The following TERF2 variants were observed in gnomAD, a reference collection of about 807,000 sequenced individuals.
The protein encoded by TERF2 is telomeric repeat-binding factor 2.
A neutral mutation model predicts 56.1 loss-of-function variants in TERF2; 16 were observed. That is an observed-to-expected ratio of 0.29 (90% CI 0.19 to 0.43). The LOEUF is 0.43. Ranked by LOEUF, TERF2 falls within the 20% of genes least tolerant of loss-of-function variation. TERF2 has a pLI of 1.00. For missense variants in TERF2, 547 were observed against 712.9 expected, an observed-to-expected ratio of 0.77 and a Z score of 2.65; for synonymous variants, 296 against 282.1, an observed-to-expected ratio of 1.05 and a Z score of -0.50.
intron 4 of TERF2, 31 bp from the exon 5 acceptor site, chr16:69,370,660 G>C: frequency 6.4e-7 from 1 of 1,574,782 alleles, no homozygotes; most frequent in Non-Finnish European, 8.6e-7. Flanking sequence ...TGCAACATGA[G>C]AAAGTAGAAC....
intron 3 of TERF2, 134 bp from the exon 4 acceptor site, chr16:69,372,489 G>A (rs1413726565): frequency 8.6e-6 from 5 of 581,394 alleles, no homozygotes; most frequent in South Asian, 2.1e-5. Flanking sequence ...AAAGCCAGGC[G>A]CGGTGGCTCA....
intron 3 of TERF2, among the ~76,000 whole-genome samples, chr16:69,382,070 A>G (rs1011820976): frequency 2.6e-5 from 4 of 152,206 alleles, no homozygotes; most frequent in African/African-American, 9.7e-5. Context: ...TTGTACCATC[A>G]ATGCAAATGC....
At chr16:69,364,693 C>T (rs564076344) in intron 7 of TERF2, among the ~76,000 whole-genome samples, 1 of 152,276 alleles carries the variant, frequency 6.6e-6, no homozygotes, top group African/African-American at 2.4e-5. Flanking sequence ...ACACACTCGA[C>T]GACCTTCTGC....
chr16:69,357,732 A>C (rs1597237566), intron 8 of TERF2, 171 bp from the exon 9 acceptor site: 1 of 251,626 alleles, frequency 4.0e-6, no homozygotes, highest in Non-Finnish European at 6.3e-6. Flanking sequence ...ATTTGCAAAC[A>C]CCAGTCACTT....
chr16:69,368,404 C>T lies in TERF2; in HGVS notation c.919G>A (p.Val307Met). Reference sequence around the variant, plus strand: ...GCGGGTTCTCTGGGTGGCTTTTCCACAGGCCCTGGTGCTGGCTGTTTATCT... The same window carrying T: ...GCGGGTTCTCTGGGTGGCTTTTCCATAGGCCCTGGTGCTGGCTGTTTATCT... The part of the protein sequence containing the change: ...KEDKQPAPGP[V>M]EKPPREPARQ... Residue 307 changes from valine to methionine, a missense_variant, in exon 6 of 10, where the codon GTG becomes ATG. Physicochemically the swap from Val to Met is conservative, Grantham distance 21 (BLOSUM62 1). Coordinates refer to ENST00000254942, the MANE Select transcript of TERF2 (RefSeq NM_005652.5). 6.2e-7 allele frequency: 1 copy of T among 1,614,118 alleles called. No homozygotes were observed. The highest frequency in any genetic ancestry group is 8.5e-7 in the Non-Finnish European group (1 of 1,180,034).
chr16:69,366,740 A>C (rs1478702879), intron 7 of TERF2, 67 bp downstream of exon 7: 1 of 1,523,958 alleles, frequency 6.6e-7, no homozygotes, highest in Non-Finnish European at 8.8e-7. Context: ...TCATTCACGG[A>C]AGTAATACCA....
At chr16:69,357,400 A>T in intron 9 of TERF2, 118 bp downstream of exon 9, 1 of 809,346 alleles carries the variant, frequency 1.2e-6, no homozygotes, top group Non-Finnish European at 2.0e-6. Context: ...ATTATCTGAA[A>T]ATCTCAAAAA....
rs1277309168 is a variant in TERF2 at position 69,385,745 on chromosome 16, C to A, written c.227G>T (p.Gly76Val). ...GCCGCGCTCCGCCGGGCCCCCCAGC[C>A]CCGGCTCGTGGCGCCCCCGCCGGGC... ...GRARRGRHEP[G>V]LGGPAERGAG... The change falls in exon 1 of 10, where the codon GGG (glycine) becomes GTG (valine). Residue 76 changes from glycine to valine, a missense_variant. Physicochemically the swap from Gly to Val is moderately radical, Grantham distance 109 (BLOSUM62 -3). Transcript: ENST00000254942. The A allele has an allele frequency of 6.9e-7, 1 of 1,450,414 alleles. No individual in the cohort carries two copies. Among genetic ancestry groups the A allele is most frequent in the Non-Finnish European group, 9.1e-7 (1 of 1,104,490 alleles). 89.8% of individuals were successfully genotyped at this position (1,450,414 alleles called of 1,614,324 possible).
intron 8 of TERF2, among the ~76,000 whole-genome samples, chr16:69,357,846 C>CT (rs71383989): frequency 0.044 from 5,407 of 121,920 alleles, 177 homozygotes; most frequent in Non-Finnish European, 0.061. Context: ...ACATCGTTTT[C>CT]TTTTTTTTTT....
chr16:69,365,150 A>G (rs1371281092), intron 7 of TERF2: 1 of 152,038 alleles, frequency 6.6e-6, no homozygotes, highest in African/African-American at 2.4e-5. Context: ...GTAATCTCGC[A>G]CTCTCCTGTT....
chr16:69,373,826 C>T (rs748075087), intron 3 of TERF2, among the ~76,000 whole-genome samples: 3 of 152,136 alleles, frequency 2.0e-5, no homozygotes, highest in Non-Finnish European at 2.9e-5. Context: ...GAGCGATACC[C>T]CGTCTCAAAA....
At chr16:69,368,713 G>A in intron 5 of TERF2, 1 of 1,030,008 alleles carries the variant, frequency 9.7e-7, no homozygotes, top group Non-Finnish European at 1.4e-6. Flanking sequence ...GTCTTGCTCT[G>A]TCGCCCAGGC....
At chr16:69,369,637 C>T (rs970733218) in intron 5 of TERF2, among the ~76,000 whole-genome samples, 5 of 152,308 alleles carry the variant, frequency 3.3e-5, no homozygotes, top group African/African-American at 1.2e-4. Flanking sequence ...ACCACTCTCA[C>T]TCAGTGTTCC....
At chr16:69,370,361 G>C (rs906748256) in intron 5 of TERF2, 122 bp downstream of exon 5, 7 of 1,334,568 alleles carry the variant, frequency 5.2e-6, no homozygotes, top group Non-Finnish European at 7.1e-6. Flanking sequence ...ATTTAATTAA[G>C]AAAGCTAGTG....
intron 3 of TERF2, among the ~76,000 whole-genome samples, chr16:69,381,096 C>T (rs547409297): frequency 1.3e-5 from 2 of 152,200 alleles, no homozygotes; most frequent in East Asian, 1.9e-4. Context: ...TGAGCCACCG[C>T]GCCCAGCCTA....
chr16:69,385,298 C>T lies in TERF2; in HGVS notation c.475+93G>A, dbSNP rs2014152060. The T allele has an allele frequency of 7.3e-6, 8 of 1,090,022 alleles. No individual in the cohort carries two copies. In the South Asian group the frequency reaches 9.1e-5, roughly 12 times the overall value. The allele number at this position is 1,090,022 out of a possible 1,614,324, so 67.5% of individuals were successfully genotyped here. A position where few individuals can be genotyped will look rare whatever the true frequency, so the allele number is the denominator to read the frequency against. On this transcript the variant is annotated intron_variant, in intron 2 of 9. Transcript: ENST00000254942. ...AAGACCACTCTGATGGAAACTATCG[C>T]ACTTTAACCTGGAATCCTTCAGTTC...
chr16:69,378,918 C>T (rs1398637615), intron 3 of TERF2, among the ~76,000 whole-genome samples: 3 of 148,684 alleles, frequency 2.0e-5, no homozygotes, highest in Non-Finnish European at 4.4e-5. Flanking sequence ...GTGCTATGAG[C>T]TTATCTTTTA....
intron 7 of TERF2, 21 bp from the exon 8 acceptor site, chr16:69,361,510 G>C (rs1597241480): frequency 6.4e-7 from 1 of 1,556,416 alleles, no homozygotes. Context: ...ATCAAGGAGA[G>C]CACAGGTATA....
intron 4 of TERF2, among the ~76,000 whole-genome samples, chr16:69,371,186 T>C (rs1004008792): frequency 6.6e-6 from 1 of 152,132 alleles, no homozygotes; most frequent in Non-Finnish European, 1.5e-5. Flanking sequence ...TGTATTACCT[T>C]TTCAAATAAT....
Sources: gnomAD v4.1 joint callset for allele counts (sites outside exome capture counted in the v4.1 genomes callset) on GRCh38, gnomAD v4.1.1 for gene constraint, MANE v1.5 for transcripts, NCBI Gene and HGNC (gene_info 2026-07-23, HGNC 2026-07-21) for gene names.